The following PTPRD variants were observed in gnomAD, a reference collection of about 807,000 sequenced individuals.
PTPRD encodes the protein receptor-type tyrosine-protein phosphatase delta.
PTPRD carries 34 observed loss-of-function variants against 214.5 expected under a neutral mutation model. The observed-to-expected ratio is 0.16, with a 90% CI of 0.12 to 0.21. The LOEUF is 0.21. Ranked by LOEUF, PTPRD falls within the 10% of genes least tolerant of loss-of-function variation. PTPRD has a pLI of 1.00. For missense variants in PTPRD, 2,545 were observed against 2,398.7 expected, an observed-to-expected ratio of 1.06 and a Z score of -1.27; for synonymous variants, 1,128 against 845.7, an observed-to-expected ratio of 1.33 and a Z score of -5.79.
At chr9:9,384,205 G>C (rs546394951) in intron 9 of PTPRD, among the ~76,000 whole-genome samples, 1 of 151,228 alleles carries the variant, frequency 6.6e-6, no homozygotes, top group Non-Finnish European at 1.5e-5. Flanking sequence ...TGAACTAGTA[G>C]GTATAGAAGA....
At chr9:8,795,904 C>T (rs1433735435) in intron 11 of PTPRD, among the ~76,000 whole-genome samples, 3 of 151,816 alleles carry the variant, frequency 2.0e-5, no homozygotes, top group Admixed American at 6.6e-5. Context: ...TGCACCAAGT[C>T]GCATGTTCAA....
At chr9:9,508,954 C>T (rs1440768480) in intron 8 of PTPRD, among the ~76,000 whole-genome samples, 6 of 151,402 alleles carry the variant, frequency 4.0e-5, no homozygotes, top group Admixed American at 6.6e-5. Context: ...CATGTTACTG[C>T]GTTCGCTAAA....
intron 5 of PTPRD, among the ~76,000 whole-genome samples, chr9:9,863,152 A>G (rs1472383264): frequency 1.3e-5 from 2 of 152,216 alleles, no homozygotes; most frequent in Non-Finnish European, 2.9e-5. Context: ...AAATCTCTTC[A>G]CTTGAAAAGC....
At chr9:8,749,659 T>C (rs2093317242) in intron 11 of PTPRD, among the ~76,000 whole-genome samples, 1 of 152,242 alleles carries the variant, frequency 6.6e-6, no homozygotes, top group African/African-American at 2.4e-5. Flanking sequence ...CATGTTATCA[T>C]TGTAAACCAT....
At chr9:9,249,470 C>T (rs891377131) in intron 9 of PTPRD, among the ~76,000 whole-genome samples, 4 of 152,080 alleles carry the variant, frequency 2.6e-5, no homozygotes, top group Non-Finnish European at 2.9e-5. Context: ...CAACCAACTA[C>T]ATTTTCAAAA....
chr9:8,969,337 T>A (rs577976022), intron 11 of PTPRD, among the ~76,000 whole-genome samples: 15 of 152,048 alleles, frequency 9.9e-5, no homozygotes, highest in Non-Finnish European at 1.9e-4. Context: ...ATTCAGAACA[T>A]GCACAGACTA....
At chr9:10,181,600 G>C (rs1368937562) in intron 3 of PTPRD, among the ~76,000 whole-genome samples, 1 of 151,560 alleles carries the variant, frequency 6.6e-6, no homozygotes, top group African/African-American at 2.4e-5. Flanking sequence ...CAAAAATAGA[G>C]AACTGATTCT....
At chr9:8,556,659 G>A (rs1247665207) in intron 14 of PTPRD, among the ~76,000 whole-genome samples, 1 of 151,946 alleles carries the variant, frequency 6.6e-6, no homozygotes, top group African/African-American at 2.4e-5. Flanking sequence ...ACAAGGGTTT[G>A]CTATATTATA....
At chr9:10,379,893 T>G (rs1385389313) in intron 2 of PTPRD, among the ~76,000 whole-genome samples, 1 of 152,072 alleles carries the variant, frequency 6.6e-6, no homozygotes, top group Non-Finnish European at 1.5e-5. Context: ...TGTATTTTAT[T>G]TCTATTTATA....
intron 3 of PTPRD, among the ~76,000 whole-genome samples, chr9:10,335,857 A>C (rs7849722): frequency 0.34 from 51,550 of 151,674 alleles, 9,683 homozygotes; most frequent in African/African-American, 0.5. Flanking sequence ...TCACCATGTC[A>C]TCAGGGAAAA....
intron 8 of PTPRD, among the ~76,000 whole-genome samples, chr9:9,453,839 A>T (rs558257897): frequency 6.6e-6 from 1 of 151,822 alleles, no homozygotes; most frequent in East Asian, 1.9e-4. Flanking sequence ...AGAGCTTTCA[A>T]AGAGAAACTC....
chr9:9,181,722 A>C (rs2131435921), intron 10 of PTPRD, among the ~76,000 whole-genome samples: 1 of 152,140 alleles, frequency 6.6e-6, no homozygotes, highest in South Asian at 2.1e-4. Context: ...GAATCTATGA[A>C]ATTTGCTCCT....
chr9:8,558,118 T>A (rs2084718569), intron 14 of PTPRD, among the ~76,000 whole-genome samples: 1 of 152,134 alleles, frequency 6.6e-6, no homozygotes. Context: ...AAATGAGAGG[T>A]ACAGAGAGAC....
intron 12 of PTPRD, among the ~76,000 whole-genome samples, chr9:8,714,590 A>T (rs2098410064): frequency 6.6e-6 from 1 of 152,052 alleles, no homozygotes; most frequent in Admixed American, 6.5e-5. Flanking sequence ...TCCCCTTGCT[A>T]TTCCTAGAAC....
At chr9:10,427,092 G>A (rs2098629141) in intron 2 of PTPRD, among the ~76,000 whole-genome samples, 1 of 151,962 alleles carries the variant, frequency 6.6e-6, no homozygotes, top group Admixed American at 6.6e-5. Flanking sequence ...ACACTAATAT[G>A]TATCACTTGT....
intron 12 of PTPRD, among the ~76,000 whole-genome samples, chr9:8,710,173 A>C (rs2098300190): frequency 6.6e-6 from 1 of 152,194 alleles, no homozygotes; most frequent in Non-Finnish European, 1.5e-5. Flanking sequence ...TCCTGGCAAT[A>C]GTGGACCATA....
intron 5 of PTPRD, among the ~76,000 whole-genome samples, chr9:9,930,308 A>C (rs970834239): frequency 6.6e-6 from 1 of 152,218 alleles, no homozygotes; most frequent in Non-Finnish European, 1.5e-5. Context: ...AGATCATTCA[A>C]ATAGAACACA....
At position 9,914,616 on chromosome 9, in the gene PTPRD, G is replaced by A. The variant is rs754209905; in HGVS notation, c.-368+23891C>T. On this transcript the variant is annotated intron_variant, in intron 5 of 45. Coordinates refer to ENST00000381196, the MANE Select transcript of PTPRD (RefSeq NM_002839.4). ...CCTGCGTTCCGAGTACGTGTTTACC[G>A]CGCCTGTGTTCTGGCACTGTAGGCA... Among the ~76,000 whole-genome samples the A allele has an allele frequency of 2.6e-4, 40 of 152,220 alleles. 1 individual carries two copies. The highest frequency in any genetic ancestry group is 1.5e-3 in the South Asian group (7 of 4,820).
chr9:10,355,300 G>C lies in PTPRD; in HGVS notation c.-599-14283C>G, dbSNP rs192331889. Among the ~76,000 whole-genome samples, 7 of 152,088 alleles carry C rather than the reference G, an allele frequency of 4.6e-5. No individual in the cohort carries two copies. The East Asian group carries it at 1.4e-3, about 29-fold the overall frequency. Reference sequence around the variant, plus strand: ...AGCAAAACTCAAAATGCTATTTTTGGTCAACTAAATTTGGGAACTACTCAA... The same window carrying C: ...AGCAAAACTCAAAATGCTATTTTTGCTCAACTAAATTTGGGAACTACTCAA... On this transcript the variant is annotated intron_variant, in intron 2 of 45. Coordinates refer to ENST00000381196, the MANE Select transcript of PTPRD (RefSeq NM_002839.4).
Sources: allele counts gnomAD v4.1 joint callset (sites outside exome capture counted in the v4.1 genomes callset), GRCh38; gene constraint gnomAD v4.1.1; transcripts MANE v1.5; gene names NCBI Gene and HGNC (gene_info 2026-07-23, HGNC 2026-07-21).